The following DIS3L2 variants were observed in gnomAD, a reference collection of about 807,000 sequenced individuals.
The protein encoded by DIS3L2 is DIS3 like 3'-5' exoribonuclease 2.
Under a neutral mutation model 97.5 loss-of-function variants are expected in DIS3L2, and 34 were observed. The ratio of observed to expected loss-of-function variants is 0.35; its 90% CI spans 0.27 to 0.46. The LOEUF is 0.46. Ranked by LOEUF, DIS3L2 falls within the 20% of genes least tolerant of loss-of-function variation. The pLI is 1.00. For missense variants in DIS3L2, 1,038 were observed against 1,146.0 expected, an observed-to-expected ratio of 0.91 and a Z score of 1.36; for synonymous variants, 435 against 445.2, an observed-to-expected ratio of 0.98 and a Z score of 0.29.
At chr2:232,322,566 C>T (rs1377537599) in intron 14 of DIS3L2, among the ~76,000 whole-genome samples, 1 of 152,218 alleles carries the variant, frequency 6.6e-6, no homozygotes, top group African/African-American at 2.4e-5. Context: ...ACTTTAGTGG[C>T]TGTGTGGCTG....
chr2:232,077,262 G>A (rs368306133), intron 5 of DIS3L2, among the ~76,000 whole-genome samples: 2 of 148,208 alleles, frequency 1.3e-5, no homozygotes, highest in East Asian at 4.0e-4. Context: ...TTTCCTTTCA[G>A]CACACTGCCA....
At chr2:232,210,495 A>G in intron 10 of DIS3L2, 90 bp downstream of exon 10, 1 of 1,227,802 alleles carries the variant, frequency 8.1e-7, no homozygotes, top group African/African-American at 1.5e-5. Context: ...CCTAGGCAGC[A>G]TACTGTGCAA....
At chr2:232,237,327 G>A (rs1692959809) in intron 10 of DIS3L2, among the ~76,000 whole-genome samples, 1 of 152,112 alleles carries the variant, frequency 6.6e-6, no homozygotes, top group African/African-American at 2.4e-5. Context: ...GGAGGGCAGG[G>A]CCTATTAAAA....
At chr2:232,291,279 C>G (rs946876487) in intron 13 of DIS3L2, among the ~76,000 whole-genome samples, 1 of 152,200 alleles carries the variant, frequency 6.6e-6, no homozygotes, top group Admixed American at 6.5e-5. Flanking sequence ...ACAGTGAACA[C>G]TAAAGAAGAA....
At chr2:232,129,171 C>T (rs1234893543) in intron 6 of DIS3L2, among the ~76,000 whole-genome samples, 2 of 152,308 alleles carry the variant, frequency 1.3e-5, no homozygotes, top group Admixed American at 1.3e-4. Flanking sequence ...ATTTAGGCTG[C>T]CTTGGAAACC....
At chr2:232,015,703 G>A in intron 3 of DIS3L2, 32 bp downstream of exon 3, 1 of 1,607,782 alleles carries the variant, frequency 6.2e-7, no homozygotes, top group Non-Finnish European at 8.5e-7. Flanking sequence ...GCTATTCTCT[G>A]AATATGTAGA....
intron 13 of DIS3L2, among the ~76,000 whole-genome samples, chr2:232,285,504 C>G (rs1272022045): frequency 6.6e-6 from 1 of 152,210 alleles, no homozygotes; most frequent in Non-Finnish European, 1.5e-5. Flanking sequence ...ATGCCATTTG[C>G]AGTTCTCTGT....
chr2:231,998,556 T>G (rs1574798024), intron 1 of DIS3L2, among the ~76,000 whole-genome samples: 2 of 152,326 alleles, frequency 1.3e-5, no homozygotes, highest in South Asian at 4.1e-4. Flanking sequence ...GGTGTTTACT[T>G]TGATCACTTG....
At chr2:232,318,914 G>A (rs557541494) in intron 14 of DIS3L2, among the ~76,000 whole-genome samples, 7 of 152,208 alleles carry the variant, frequency 4.6e-5, no homozygotes, top group African/African-American at 1.4e-4. Context: ...CCTCCCCACC[G>A]TCTCTCCCTG....
chr2:232,290,643 A>T (rs1397825219), intron 13 of DIS3L2, among the ~76,000 whole-genome samples: 1 of 152,208 alleles, frequency 6.6e-6, no homozygotes, highest in African/African-American at 2.4e-5. Context: ...GTAAAACCTC[A>T]GCATTGAAGA....
chr2:232,258,585 C>T (rs1476805633), intron 12 of DIS3L2, among the ~76,000 whole-genome samples: 6 of 118,822 alleles, frequency 5.0e-5, no homozygotes, highest in African/African-American at 1.3e-4. Context: ...AGTGACAGAG[C>T]GAGACTCTGT....
chr2:232,173,942 A>G (rs910560469), intron 9 of DIS3L2, among the ~76,000 whole-genome samples: 4 of 152,108 alleles, frequency 2.6e-5, no homozygotes, highest in Admixed American at 1.3e-4. Flanking sequence ...ATTGCCATAT[A>G]TATTTTAGGA....
intron 5 of DIS3L2, among the ~76,000 whole-genome samples, chr2:232,074,917 A>G (rs942331749): frequency 6.6e-6 from 1 of 152,214 alleles, no homozygotes; most frequent in Non-Finnish European, 1.5e-5. Context: ...GCTAAGGACT[A>G]GCAGTGCTGC....
intron 9 of DIS3L2, among the ~76,000 whole-genome samples, chr2:232,196,258 G>A (rs1003105691): frequency 2.6e-5 from 4 of 152,122 alleles, no homozygotes; most frequent in African/African-American, 9.7e-5. Context: ...GAACCAATGT[G>A]CCTGGCCTGG....
At chr2:232,063,690 A>T (rs1041424353) in intron 5 of DIS3L2, among the ~76,000 whole-genome samples, 3 of 152,058 alleles carry the variant, frequency 2.0e-5, no homozygotes, top group African/African-American at 7.2e-5. Flanking sequence ...TTCATTTCCT[A>T]AAGCTTATAC....
intron 11 of DIS3L2, among the ~76,000 whole-genome samples, chr2:232,247,798 T>C (rs968241054): frequency 2.0e-5 from 3 of 152,162 alleles, no homozygotes; most frequent in African/African-American, 7.2e-5. Flanking sequence ...ACTTGACATA[T>C]ACAAGAAAAT....
intron 13 of DIS3L2, among the ~76,000 whole-genome samples, chr2:232,286,414 A>C (rs1046707240): frequency 6.6e-5 from 10 of 152,194 alleles, no homozygotes; most frequent in Non-Finnish European, 1.3e-4. Context: ...TACAGAAAGC[A>C]AGCCACAGAG....
chr2:232,040,235 T>C (rs1695070518), intron 5 of DIS3L2, among the ~76,000 whole-genome samples: 1 of 152,148 alleles, frequency 6.6e-6, no homozygotes, highest in African/African-American at 2.4e-5. Context: ...TTGTGAAAAT[T>C]TTAGGTTTCA....
intron 6 of DIS3L2, among the ~76,000 whole-genome samples, chr2:232,120,347 A>G (rs559699935): frequency 5.9e-5 from 9 of 152,164 alleles, no homozygotes; most frequent in Non-Finnish European, 2.9e-5. Context: ...TGCCCCAGCC[A>G]CTTCCGAGCT....
Sources: gnomAD v4.1 joint callset for allele counts (sites outside exome capture counted in the v4.1 genomes callset) on GRCh38, gnomAD v4.1.1 for gene constraint, MANE v1.5 for transcripts, NCBI Gene and HGNC (gene_info 2026-07-23, HGNC 2026-07-21) for gene names.